The following DOK6 variants were observed in gnomAD, a reference collection of about 807,000 sequenced individuals.
The protein encoded by DOK6 is docking protein 6.
Under a neutral mutation model 44.0 loss-of-function variants are expected in DOK6, and 22 were observed. The observed-to-expected ratio is 0.50, with a 90% CI of 0.36 to 0.71. The LOEUF is 0.71. Ranked by LOEUF, DOK6 falls within the 30% of genes least tolerant of loss-of-function variation. The probability of loss-of-function intolerance (pLI) is 0.00; values close to 1 mark genes in which losing one functional copy is unlikely to be tolerated. For missense variants in DOK6, 340 were observed against 416.4 expected, an observed-to-expected ratio of 0.82 and a Z score of 1.60; for synonymous variants, 166 against 145.5, an observed-to-expected ratio of 1.14 and a Z score of -1.01.
chr18:69,608,360 C>T (rs1290077579), intron 3 of DOK6, among the ~76,000 whole-genome samples: 2 of 152,158 alleles, frequency 1.3e-5, no homozygotes, highest in East Asian at 1.9e-4. Context: ...TTCCATCAGT[C>T]TATATGTCTG....
At chr18:69,583,965 A>T (rs564633894) in intron 2 of DOK6, among the ~76,000 whole-genome samples, 3 of 151,790 alleles carry the variant, frequency 2.0e-5, no homozygotes, top group Admixed American at 6.6e-5. Flanking sequence ...AAAATTAGCC[A>T]GGCGTGGTGG....
intron 5 of DOK6, among the ~76,000 whole-genome samples, chr18:69,714,837 A>C (rs1482995295): frequency 6.6e-6 from 1 of 152,188 alleles, no homozygotes; most frequent in Non-Finnish European, 1.5e-5. Flanking sequence ...AAATTTAGGT[A>C]AGTTGGATTA....
intron 6 of DOK6, among the ~76,000 whole-genome samples, chr18:69,742,839 AT>A (rs372154904): frequency 1.6e-3 from 247 of 152,378 alleles, no homozygotes; most frequent in African/African-American, 5.4e-3. Context: ...AGACATCACC[AT>A]CATTGAATTT....
At chr18:69,578,699 G>A (rs983383707) in intron 2 of DOK6, among the ~76,000 whole-genome samples, 2 of 152,064 alleles carry the variant, frequency 1.3e-5, no homozygotes, top group Non-Finnish European at 2.9e-5. Context: ...CATAATATAT[G>A]ACAGATGCAA....
chr18:69,828,581 T>C (rs981390582), intron 7 of DOK6, among the ~76,000 whole-genome samples: 1 of 151,666 alleles, frequency 6.6e-6, no homozygotes, highest in Non-Finnish European at 1.5e-5. Context: ...ATAAAATAGC[T>C]ATGAAAATAT....
At chr18:69,691,184 A>AAAATAAAT (rs149335802) in intron 4 of DOK6, among the ~76,000 whole-genome samples, 8,013 of 140,358 alleles carry the variant, frequency 0.057, 349 homozygotes, top group African/African-American at 0.11. Flanking sequence ...ACTCTGTCTC[A>AAAATAAAT]AAATAAATAA....
chr18:69,466,364 A>G lies in DOK6; in HGVS notation c.66+65054A>G, dbSNP rs982533473. Among the ~76,000 whole-genome samples the G allele has an allele frequency of 4.6e-5, 7 of 152,320 alleles. No homozygotes were observed. In the South Asian group the frequency reaches 6.2e-4, roughly 14 times the overall value. ...GATTTCCTTCTTTTTTGAAGGCTCA[A>G]TAATATTCCACTGTACATCTATACT... On this transcript the variant is annotated intron_variant, in intron 1 of 7. Transcript: ENST00000382713.
Position 69,420,230 on chromosome 18 carries a change from G to A in DOK6, c.66+18920G>A, listed in dbSNP as rs114993269. On this transcript the variant is annotated intron_variant, in intron 1 of 7. Transcript: ENST00000382713. ...AATTAGTCCTGCATTGTCTTTAGATGTATTTGTTATATTGTGATTTTTTTC... is the reference window on the plus strand; with the variant it reads ...AATTAGTCCTGCATTGTCTTTAGATATATTTGTTATATTGTGATTTTTTTC... 4.9e-3 allele frequency among the ~76,000 whole-genome samples: 750 copies of A among 151,936 alleles called. 10 individuals carry two copies. Among genetic ancestry groups the A allele is most frequent in the African/African-American group, 0.017 (708 of 41,454 alleles).
chr18:69,424,938 A>G (rs1359711852), intron 1 of DOK6, among the ~76,000 whole-genome samples: 2 of 152,178 alleles, frequency 1.3e-5, no homozygotes, highest in Admixed American at 1.3e-4. Flanking sequence ...CATGGGCAGG[A>G]CAAAGGCGTA....
chr18:69,568,671 C>A (rs1983044578), intron 2 of DOK6, among the ~76,000 whole-genome samples: 1 of 152,134 alleles, frequency 6.6e-6, no homozygotes, highest in African/African-American at 2.4e-5. Context: ...CAGCAGTGGG[C>A]AAGGGAGCAA....
intron 7 of DOK6, among the ~76,000 whole-genome samples, chr18:69,830,157 C>T (rs9958984): frequency 0.22 from 33,771 of 151,902 alleles, 3,782 homozygotes; most frequent in African/African-American, 0.25. Context: ...TAATTATGTT[C>T]AGTTTTTGTT....
chr18:69,573,968 A>G (rs908479622), intron 2 of DOK6, among the ~76,000 whole-genome samples: 2 of 152,050 alleles, frequency 1.3e-5, no homozygotes. Flanking sequence ...ATAGGAATAT[A>G]TGCACTTGTT....
intron 3 of DOK6, among the ~76,000 whole-genome samples, chr18:69,650,603 T>C (rs1985198614): frequency 6.6e-6 from 1 of 152,204 alleles, no homozygotes; most frequent in South Asian, 2.1e-4. Flanking sequence ...AAAACTATCA[T>C]ATCCAATGAA....
At chr18:69,561,267 T>C (rs918487697) in intron 1 of DOK6, among the ~76,000 whole-genome samples, 2 of 151,848 alleles carry the variant, frequency 1.3e-5, no homozygotes, top group Non-Finnish European at 2.9e-5. Flanking sequence ...TGTAAACCTA[T>C]GTCTGTCTGA....
intron 4 of DOK6, among the ~76,000 whole-genome samples, chr18:69,681,168 C>G (rs944634704): frequency 2.0e-5 from 3 of 152,152 alleles, no homozygotes; most frequent in Non-Finnish European, 4.4e-5. Flanking sequence ...TGAACTTTTT[C>G]TACTAAGAGA....
rs556522365 is a variant in DOK6, at chr18:69,429,954, T to C, written c.66+28644T>C. Among the ~76,000 whole-genome samples, 4 of 152,260 alleles carry C rather than the reference T, an allele frequency of 2.6e-5. No individual in the cohort carries two copies. The South Asian group carries it at 8.3e-4, about 32-fold the overall frequency. On this transcript the variant is annotated intron_variant, in intron 1 of 7. Coordinates refer to ENST00000382713, the MANE Select transcript of DOK6 (RefSeq NM_152721.6). The stretch of plus-strand genomic sequence containing the variant: ...TGATAAATTAGCCGTTTTTATCTAA[T>C]GAAATTTCCTTTTTATGAAAGTGAA...
At chr18:69,727,312 A>G (rs576545517) in intron 5 of DOK6, among the ~76,000 whole-genome samples, 2 of 152,214 alleles carry the variant, frequency 1.3e-5, no homozygotes, top group Non-Finnish European at 2.9e-5. Flanking sequence ...AGACCATAGC[A>G]GACTGTTTTG....
intron 1 of DOK6, among the ~76,000 whole-genome samples, chr18:69,483,465 C>G (rs1035529617): frequency 2.0e-5 from 3 of 152,046 alleles, no homozygotes; most frequent in Non-Finnish European, 4.4e-5. Context: ...TCTTAGAAGA[C>G]TCATTCTCTT....
intron 1 of DOK6, among the ~76,000 whole-genome samples, chr18:69,461,977 C>G (rs1211666225): frequency 6.6e-6 from 1 of 152,152 alleles, no homozygotes; most frequent in East Asian, 1.9e-4. Context: ...TATGCCTGTT[C>G]TTCCTTTTGT....
Sources: gnomAD v4.1 joint callset for allele counts (sites outside exome capture counted in the v4.1 genomes callset) on GRCh38, gnomAD v4.1.1 for gene constraint, MANE v1.5 for transcripts, NCBI Gene and HGNC (gene_info 2026-07-23, HGNC 2026-07-21) for gene names.